Variants in ARNT2 observed in about 807,000 individuals in gnomAD.
The protein encoded by ARNT2 is ARNT protein 2.
ARNT2 carries 36 observed loss-of-function variants against 91.7 expected under a neutral mutation model. That is an observed-to-expected ratio of 0.39 (90% CI 0.30 to 0.52). The LOEUF is 0.52. ARNT2 is among the 20% of genes least tolerant of loss of function. The pLI, the probability that ARNT2 is intolerant of heterozygous loss-of-function variation, is 0.72. For synonymous variants in ARNT2, 365 were observed against 347.1 expected (o/e 1.05, Z -0.57); for missense variants, 775 against 939.3 (o/e 0.83, Z 2.29).
At chr15:80,453,702 G>A (rs1027898464) in intron 2 of ARNT2, among the ~76,000 whole-genome samples, 1 of 152,118 alleles carries the variant, frequency 6.6e-6, no homozygotes, top group Admixed American at 6.5e-5. Flanking sequence ...ATTTCCCACT[G>A]CCCTCCCTAC....
intron 17 of ARNT2, among the ~76,000 whole-genome samples, chr15:80,581,770 A>C (rs28693821): frequency 0.027 from 4,131 of 152,312 alleles, 190 homozygotes; most frequent in African/African-American, 0.093. Flanking sequence ...AGAGACAATC[A>C]ATTGCATAAA....
At chr15:80,537,007 C>A (rs1897836759) in intron 8 of ARNT2, among the ~76,000 whole-genome samples, 1 of 152,122 alleles carries the variant, frequency 6.6e-6, no homozygotes, top group Admixed American at 6.6e-5. Context: ...GTGCCAGAGC[C>A]ATCATTACAT....
At chr15:80,506,444 T>C (rs1261331715) in intron 5 of ARNT2, among the ~76,000 whole-genome samples, 1 of 151,964 alleles carries the variant, frequency 6.6e-6, no homozygotes, top group African/African-American at 2.4e-5. Flanking sequence ...ACATCAGAGG[T>C]TGGGGGATTC....
chr15:80,443,074 A>T, intron 1 of ARNT2: 3 of 972,576 alleles, frequency 3.1e-6, no homozygotes, highest in Non-Finnish European at 3.7e-6. Context: ...TGGGTAGGGG[A>T]GGGGTTGTTC....
chr15:80,508,026 C>T, intron 5 of ARNT2, 130 bp from the exon 6 acceptor site: 1 of 786,130 alleles, frequency 1.3e-6, no homozygotes, highest in African/African-American at 1.7e-5. Context: ...AATTCCAAGA[C>T]ACAAACAATT....
intron 13 of ARNT2, among the ~76,000 whole-genome samples, chr15:80,574,653 TC>T (rs1258731385): frequency 1.3e-5 from 2 of 152,188 alleles, no homozygotes; most frequent in African/African-American, 4.8e-5. Flanking sequence ...CGGCTCTGTC[TC>T]CTTTCCTTCT....
intron 11 of ARNT2, among the ~76,000 whole-genome samples, chr15:80,562,650 C>T (rs1375696572): frequency 6.6e-6 from 1 of 152,090 alleles, no homozygotes; most frequent in East Asian, 1.9e-4. Flanking sequence ...TTGTATGTTG[C>T]CGTACCAAGA....
At chr15:80,509,374 G>A (rs1039509856) in intron 6 of ARNT2, among the ~76,000 whole-genome samples, 14 of 152,146 alleles carry the variant, frequency 9.2e-5, no homozygotes, top group Admixed American at 5.9e-4. Context: ...CCCAGGAGGC[G>A]GAGGTTGCAG....
Position 80,438,829 on chromosome 15 carries a change from A to T in ARNT2, c.32-12051A>T, listed in dbSNP as rs1037649382. ...CTCAGCCTCCCAAGTAGCTAGGATT[A>T]TAGGCACACGCCACCACGCCTGGCT... On this transcript the variant is annotated intron_variant, in intron 1 of 18. Transcript: ENST00000303329. 2.6e-4 allele frequency among the ~76,000 whole-genome samples: 40 copies of T among 152,298 alleles called. 1 individual carries two copies. The highest frequency in any genetic ancestry group is 7.9e-4 in the African/African-American group (33 of 41,566).
chr15:80,481,008 CCCATTTG>C (rs1327664371), intron 5 of ARNT2, among the ~76,000 whole-genome samples: 1 of 152,220 alleles, frequency 6.6e-6, no homozygotes, highest in African/African-American at 2.4e-5. Context: ...TGAATGGACC[CCCATTTG>C]CCAACTATTC....
intron 3 of ARNT2, among the ~76,000 whole-genome samples, chr15:80,464,246 CT>C (rs2141390232): frequency 1.3e-5 from 2 of 151,426 alleles, no homozygotes; most frequent in East Asian, 3.9e-4. Context: ...GTTCCCAGTC[CT>C]GGTAAGTCAG....
chr15:80,580,472 A>C lies in ARNT2; in HGVS notation c.1675A>C (p.Asn559His). The change falls in exon 16 of 19, where the codon AAC (asparagine) becomes CAC (histidine). Residue 559 changes from asparagine to histidine, a missense_variant. This residue lies in a region of ARNT2 where 325 missense variants were observed against 359.9 expected (regional missense o/e 0.90). Transcript: ENST00000303329. The stretch of plus-strand genomic sequence containing the variant: ...TCAGTCCTCTTCTTCCACGGGCCAG[A>C]ACATGTCCCAAATCTCCCGGCAGCT... ...DIQSSSSTGQ[N>H]MSQISRQLNQ... 1 of 1,614,180 alleles carries C rather than the reference A, an allele frequency of 6.2e-7. No individual in the cohort carries two copies. Among genetic ancestry groups the C allele is most frequent in the South Asian group, 1.1e-5 (1 of 91,080 alleles).
chr15:80,542,002 A>G (rs1347041344), intron 8 of ARNT2, among the ~76,000 whole-genome samples: 4 of 152,176 alleles, frequency 2.6e-5, no homozygotes, highest in Non-Finnish European at 5.9e-5. Context: ...CTCCTTTACA[A>G]ATGCTGGCCC....
intron 1 of ARNT2, among the ~76,000 whole-genome samples, chr15:80,423,371 C>T (rs1227013489): frequency 1.3e-5 from 2 of 152,166 alleles, no homozygotes; most frequent in Non-Finnish European, 2.9e-5. Context: ...TGGAAACACA[C>T]AGGAATTCCT....
Position 80,547,425 on chromosome 15 carries a change from T to G in ARNT2, c.878-3774T>G, listed in dbSNP as rs1022761179. ...ATTATGAGTTGTATTAAGCCCCGGA[T>G]GGAAAACTTGCATAAAGCAACTTCT... On this transcript the variant is annotated intron_variant, in intron 8 of 18. Coordinates refer to ENST00000303329, the MANE Select transcript of ARNT2 (RefSeq NM_014862.4). Among the ~76,000 whole-genome samples, 9 of 152,340 alleles carry G rather than the reference T, an allele frequency of 5.9e-5. 1 individual carries two copies. The highest frequency in any genetic ancestry group is 5.9e-4 in the Admixed American group (9 of 15,304).
At chr15:80,531,674 C>T (rs950343695) in intron 8 of ARNT2, among the ~76,000 whole-genome samples, 1 of 152,210 alleles carries the variant, frequency 6.6e-6, no homozygotes, top group Non-Finnish European at 1.5e-5. Context: ...TCCCCACTAA[C>T]CGGTAAAATC....
At chr15:80,534,059 CT>C in intron 8 of ARNT2, among the ~76,000 whole-genome samples, 1 of 152,368 alleles carries the variant, frequency 6.6e-6, no homozygotes, top group East Asian at 1.9e-4. Context: ...AAGGAAGATG[CT>C]TTTTCATTTC....
chr15:80,505,196 G>A (rs1897256984), intron 5 of ARNT2, among the ~76,000 whole-genome samples: 3 of 152,184 alleles, frequency 2.0e-5, no homozygotes, highest in Non-Finnish European at 2.9e-5. Flanking sequence ...GAAAACCATG[G>A]ACCAGCGAGT....
chr15:80,534,188 G>T (rs1897784698), intron 8 of ARNT2, among the ~76,000 whole-genome samples: 1 of 152,172 alleles, frequency 6.6e-6, no homozygotes, highest in African/African-American at 2.4e-5. Flanking sequence ...GAGGGGCAGG[G>T]TTCTAGAGTC....
Sources: allele counts gnomAD v4.1 joint callset (sites outside exome capture counted in the v4.1 genomes callset), GRCh38; gene constraint gnomAD v4.1.1; regional missense constraint gnomAD v4.1.1; transcripts MANE v1.5; gene names NCBI Gene and HGNC (gene_info 2026-07-23, HGNC 2026-07-21).